Variants in SNTG1 observed in about 807,000 individuals in gnomAD.
SNTG1 encodes the protein syntrophin gamma 1.
Under a neutral mutation model 74.7 loss-of-function variants are expected in SNTG1, and 39 were observed. The observed-to-expected ratio is 0.52, with a 90% confidence interval of 0.40 to 0.68. SNTG1 has a LOEUF of 0.68. SNTG1 is among the 30% of genes least tolerant of loss of function. The pLI, the probability that SNTG1 is intolerant of heterozygous loss-of-function variation, is 0.00. For missense variants in SNTG1, 685 were observed against 609.5 expected (o/e 1.12, Z -1.30); for synonymous variants, 254 against 217.1 (o/e 1.17, Z -1.49).
intron 18 of SNTG1, among the ~76,000 whole-genome samples, chr8:50,784,959 G>T (rs1034028010): frequency 6.6e-6 from 1 of 151,132 alleles, no homozygotes; most frequent in African/African-American, 2.4e-5. Flanking sequence ...ATAACCAATG[G>T]GTCAAAAAAA....
intron 13 of SNTG1, among the ~76,000 whole-genome samples, chr8:50,631,069 T>C (rs966211157): frequency 6.6e-6 from 1 of 152,224 alleles, no homozygotes; most frequent in Admixed American, 6.5e-5. Context: ...CTTGGCCCTC[T>C]TACGGGGATA....
intron 2 of SNTG1, among the ~76,000 whole-genome samples, chr8:50,251,573 C>T (rs940281997): frequency 1.5e-4 from 22 of 151,350 alleles, no homozygotes; most frequent in South Asian, 4.2e-4. Flanking sequence ...AGCAGAGATA[C>T]GCATACTTAT....
chr8:50,115,576 A>AAAAAAAAAAAAAAAAC lies in SNTG1; in HGVS notation c.-102-56974_-102-56973insAAAACAAAAAAAAAAA, dbSNP rs1482375164. ...GAGCGAGACTCTGTCTCAAAAAAAA[A>AAAAAAAAAAAAAAAAC]AAAAAAAAAAACGAGATGGTTGAAG... On this transcript the variant is annotated intron_variant, in intron 1 of 18. Coordinates refer to ENST00000642720, the MANE Select transcript of SNTG1 (RefSeq NM_018967.5). Among the ~76,000 whole-genome samples, 17 of 82,870 alleles carry AAAAAAAAAAAAAAAAC rather than the reference A, an allele frequency of 2.1e-4. 1 individual carries two copies. The East Asian group carries it at 2.1e-3, about 10-fold the overall frequency. The allele number at this position is 82,870 out of a possible 152,430, so 54.4% of individuals were successfully genotyped here. A position where few individuals can be genotyped will look rare whatever the true frequency, so the allele number is the denominator to read the frequency against.
intron 1 of SNTG1, among the ~76,000 whole-genome samples, chr8:49,944,808 G>T (rs1585607268): frequency 6.8e-6 from 1 of 146,102 alleles, no homozygotes; most frequent in African/African-American, 2.6e-5. Flanking sequence ...AAAAAAAAAA[G>T]ATGGAGTTTC....
At chr8:49,997,747 ATTG>A (rs1269522677) in intron 1 of SNTG1, among the ~76,000 whole-genome samples, 4 of 151,902 alleles carry the variant, frequency 2.6e-5, no homozygotes, top group Non-Finnish European at 4.4e-5. Context: ...TTTTTCTGTT[ATTG>A]TTGTTTTTTT....
At chr8:50,406,852 C>G (rs567796754) in intron 4 of SNTG1, among the ~76,000 whole-genome samples, 2 of 152,124 alleles carry the variant, frequency 1.3e-5, no homozygotes, top group East Asian at 1.9e-4. Flanking sequence ...CTTTTCTTAC[C>G]TGAAAGTACT....
Position 49,942,070 on chromosome 8 carries a change from G to A in SNTG1, c.-103+29839G>A, listed in dbSNP as rs16914072. Among the ~76,000 whole-genome samples, 818 of 152,230 alleles carry A rather than the reference G, an allele frequency of 5.4e-3. 11 individuals carry two copies. Among genetic ancestry groups the A allele is most frequent in the African/African-American group, 0.019 (775 of 41,532 alleles). ...AAAAGACAAAAGGGAGGAAGGGTAC[G>A]CTAAATATAGACTAGGACAGACCTG... On this transcript the variant is annotated intron_variant, in intron 1 of 18. Transcript: ENST00000642720.
At chr8:50,006,633 C>A (rs1353144606) in intron 1 of SNTG1, among the ~76,000 whole-genome samples, 4 of 152,262 alleles carry the variant, frequency 2.6e-5, no homozygotes, top group African/African-American at 7.2e-5. Context: ...TATTAGCTGT[C>A]TCACTTTTGA....
intron 13 of SNTG1, among the ~76,000 whole-genome samples, chr8:50,604,933 G>T (rs969617116): frequency 7.2e-5 from 11 of 152,058 alleles, no homozygotes; most frequent in African/African-American, 2.7e-4. Flanking sequence ...GGTTATTCAG[G>T]GCCCAAAGGT....
At chr8:50,019,679 CAT>C (rs1311206647) in intron 1 of SNTG1, among the ~76,000 whole-genome samples, 4 of 151,870 alleles carry the variant, frequency 2.6e-5, no homozygotes, top group African/African-American at 9.7e-5. Flanking sequence ...TCTGTGAAAA[CAT>C]AAACAAAATC....
intron 2 of SNTG1, among the ~76,000 whole-genome samples, chr8:50,245,357 TG>T (rs1320039091): frequency 3.3e-5 from 5 of 152,036 alleles, no homozygotes; most frequent in Non-Finnish European, 5.9e-5. Context: ...AGTAGCAGCA[TG>T]GTATGGAGGG....
intron 1 of SNTG1, among the ~76,000 whole-genome samples, chr8:50,021,740 A>C (rs1257344594): frequency 6.6e-6 from 1 of 152,078 alleles, no homozygotes; most frequent in Non-Finnish European, 1.5e-5. Flanking sequence ...GTTTGAGACC[A>C]GCCTGGGCAA....
At chr8:49,929,899 A>T (rs1807405726) in intron 1 of SNTG1, among the ~76,000 whole-genome samples, 1 of 118,042 alleles carries the variant, frequency 8.5e-6, no homozygotes, top group African/African-American at 3.4e-5. Flanking sequence ...CCAGAGGGTG[A>T]TATTCCCCTT....
At chr8:50,159,168 T>C (rs145189690) in intron 1 of SNTG1, among the ~76,000 whole-genome samples, 1 of 152,190 alleles carries the variant, frequency 6.6e-6, no homozygotes, top group Non-Finnish European at 1.5e-5. Context: ...TTTTTCTTTA[T>C]TGACTTTTAG....
chr8:50,778,543 T>C (rs1463069010), intron 18 of SNTG1, among the ~76,000 whole-genome samples: 1 of 152,108 alleles, frequency 6.6e-6, no homozygotes, highest in Non-Finnish European at 1.5e-5. Context: ...CACTTTTTGA[T>C]GGGGTTGTTT....
chr8:50,658,053 A>G (rs1350963507), intron 14 of SNTG1, among the ~76,000 whole-genome samples: 3 of 152,152 alleles, frequency 2.0e-5, no homozygotes, highest in Non-Finnish European at 4.4e-5. Flanking sequence ...ATATTTATAT[A>G]TTTTACTCTA....
chr8:50,301,248 C>T (rs773137588), intron 2 of SNTG1, among the ~76,000 whole-genome samples: 8 of 151,928 alleles, frequency 5.3e-5, no homozygotes, highest in South Asian at 2.1e-4. Flanking sequence ...GACTATGGGG[C>T]GCTTTATTTT....
chr8:50,430,059 C>G (rs1027259777), intron 4 of SNTG1, among the ~76,000 whole-genome samples: 1 of 152,022 alleles, frequency 6.6e-6, no homozygotes, highest in Non-Finnish European at 1.5e-5. Context: ...TTCCCATTTT[C>G]AATACTTGGT....
At chr8:50,596,245 A>G (rs2094726401) in intron 13 of SNTG1, among the ~76,000 whole-genome samples, 1 of 152,078 alleles carries the variant, frequency 6.6e-6, no homozygotes, top group Non-Finnish European at 1.5e-5. Flanking sequence ...ACATCTGTAT[A>G]TATTCTTTTG....
Sources: allele counts gnomAD v4.1 joint callset (sites outside exome capture counted in the v4.1 genomes callset), GRCh38; gene constraint gnomAD v4.1.1; transcripts MANE v1.5; gene names NCBI Gene and HGNC (gene_info 2026-07-23, HGNC 2026-07-21).